GREB1L: variants seen among roughly 807,000 people sequenced by gnomAD.
GREB1L encodes the protein GREB1-like protein.
Under a neutral mutation model 200.8 loss-of-function variants are expected in GREB1L, and 17 were observed. That is an observed-to-expected ratio of 0.08 (90% CI 0.06 to 0.13). The LOEUF (loss-of-function observed/expected upper bound fraction) is 0.13. GREB1L is among the 10% of genes least tolerant of loss of function. The probability of loss-of-function intolerance (pLI) is 1.00; values close to 1 mark genes in which losing one functional copy is unlikely to be tolerated. For synonymous variants in GREB1L, 789 were observed against 893.0 expected, an observed-to-expected ratio of 0.88 and a Z score of 2.08; for missense variants, 1,657 against 2,367.7, an observed-to-expected ratio of 0.70 and a Z score of 6.23.
chr18:21,499,933 C>A lies in GREB1L; in HGVS notation c.3596C>A (p.Ser1199Tyr). ...CCCCAGATGGCGAGCAGCACCACCT[C>A]CAAGCCGTCATCATCATCCTCAGGA... ...LGPQMASSTTSKPSSSSSGPR... is the reference protein window; with the variant it reads ...LGPQMASSTTYKPSSSSSGPR... The change falls in exon 22 of 33, where the codon TCC (serine) becomes TAC (tyrosine). Residue 1199 changes from serine (S) to tyrosine (Y), a missense_variant. Physicochemically the swap from Ser to Tyr is moderately radical, Grantham distance 144. Coordinates refer to ENST00000424526, the MANE Select transcript of GREB1L (RefSeq NM_001142966.3). 3.9e-6 allele frequency: 6 copies of A among 1,550,378 alleles called. No homozygotes were observed. The highest frequency in any genetic ancestry group is 5.2e-6 in the Non-Finnish European group (6 of 1,146,320).
chr18:21,354,913 G>C (rs115004116), intron 1 of GREB1L, among the ~76,000 whole-genome samples: 1 of 152,138 alleles, frequency 6.6e-6, no homozygotes, highest in South Asian at 2.1e-4. Context: ...GTAAAATCTC[G>C]AAGGCTTTTA....
intron 7 of GREB1L, among the ~76,000 whole-genome samples, chr18:21,409,948 TTTTTG>T (rs1423318599): frequency 6.6e-6 from 1 of 152,200 alleles, no homozygotes; most frequent in Non-Finnish European, 1.5e-5. Context: ...CTTTATGTTC[TTTTTG>T]TTTATCTCTG....
In GREB1L at chr18:21,439,647, C is replaced by T. The variant is rs1290338019; in HGVS notation, c.949+10C>T. The T allele has an allele frequency of 2.7e-6, 4 of 1,480,630 alleles. No homozygotes were observed. Among genetic ancestry groups the T allele is most frequent in the Non-Finnish European group, 2.8e-6 (3 of 1,081,598 alleles). 91.7% of individuals were successfully genotyped at this position (1,480,630 alleles called of 1,614,324 possible). On this transcript the variant is annotated intron_variant, in intron 8 of 32. Transcript: ENST00000424526. ...GCATCAGGAGATCAAGGTACAATGC[C>T]TGTCGTAGAGTTTTGTAATAATGCA...
At chr18:21,282,672 T>C (rs888265079) in intron 1 of GREB1L, among the ~76,000 whole-genome samples, 1 of 152,088 alleles carries the variant, frequency 6.6e-6, no homozygotes, top group African/African-American at 2.4e-5. Context: ...CAATCTCGGC[T>C]CATTGCAACC....
chr18:21,406,647 T>C (rs1055423006), intron 7 of GREB1L, among the ~76,000 whole-genome samples: 2 of 152,172 alleles, frequency 1.3e-5, no homozygotes, highest in Non-Finnish European at 2.9e-5. Context: ...AGATTCACCT[T>C]TCTATAGGAG....
intron 1 of GREB1L, among the ~76,000 whole-genome samples, chr18:21,348,414 G>A (rs996179458): frequency 2.0e-5 from 3 of 152,040 alleles, no homozygotes; most frequent in African/African-American, 7.2e-5. Context: ...TTAGGTGGGA[G>A]AATCACTTGA....
intron 15 of GREB1L, among the ~76,000 whole-genome samples, chr18:21,457,835 A>C (rs7234233): frequency 1.5e-3 from 229 of 152,316 alleles, no homozygotes; most frequent in African/African-American, 5.3e-3. Flanking sequence ...ACTCTTTAAA[A>C]TCATAGCTGT....
At chr18:21,292,989 G>A (rs2038474470) in intron 1 of GREB1L, among the ~76,000 whole-genome samples, 1 of 152,214 alleles carries the variant, frequency 6.6e-6, no homozygotes, top group Non-Finnish European at 1.5e-5. Context: ...GAAGGACCAG[G>A]AAGAGAGGAT....
In GREB1L at chr18:21,485,660, G is replaced by T. The variant is rs2036100082; in HGVS notation, c.2597G>T (p.Ser866Ile). 1 of 1,551,460 alleles carries T rather than the reference G, an allele frequency of 6.4e-7. No homozygotes were observed. Among genetic ancestry groups the T allele is most frequent in the African/African-American group, 1.4e-5 (1 of 73,012 alleles). ...GCEEKLYFGL[S>I]EYSKSLQWGI... ...GAGGAGAAGCTGTACTTTGGCTTGAGTGAGTACAGCAAGTCTCTGCAGTGG... is the reference window on the plus strand; with the variant it reads ...GAGGAGAAGCTGTACTTTGGCTTGATTGAGTACAGCAAGTCTCTGCAGTGG... The change falls in exon 18 of 33, where the codon AGT becomes ATT. Residue 866 changes from serine (S) to isoleucine (I), a missense_variant. Ser to Ile is a moderately radical substitution (Grantham distance 142, BLOSUM62 -2). Around this residue, in one of 9 missense-constraint regions of GREB1L, gnomAD observed 239 missense variants for 421.8 expected, o/e 0.57. Coordinates refer to ENST00000424526, the MANE Select transcript of GREB1L (RefSeq NM_001142966.3).
chr18:21,516,589 A>G, intron 29 of GREB1L, 24 bp from the exon 30 acceptor site: 2 of 1,548,262 alleles, frequency 1.3e-6, no homozygotes, highest in African/African-American at 2.7e-5. Flanking sequence ...GCGGAAGAAA[A>G]CTATTGTTGT....
intron 1 of GREB1L, among the ~76,000 whole-genome samples, chr18:21,327,687 CTTTCTTTTTT>C (rs2039043325): frequency 6.6e-6 from 1 of 150,590 alleles, no homozygotes; most frequent in Admixed American, 6.6e-5. Flanking sequence ...AGGCCCCAAC[CTTTCTTTTTT>C]TTTCTTTTTT....
chr18:21,471,620 C>CT (rs77038675), intron 15 of GREB1L, among the ~76,000 whole-genome samples: 1,603 of 142,186 alleles, frequency 0.011, 36 homozygotes, highest in African/African-American at 0.034. Flanking sequence ...TCTTTTGTTT[C>CT]TTTTTTTTTT....
At chr18:21,288,526 C>T (rs1194152663) in intron 1 of GREB1L, among the ~76,000 whole-genome samples, 2 of 152,170 alleles carry the variant, frequency 1.3e-5, no homozygotes, top group Non-Finnish European at 2.9e-5. Context: ...AAAAGGCTCC[C>T]ATTTTATATT....
chr18:21,439,460 C>T (rs2033767311), intron 7 of GREB1L, 61 bp from the exon 8 acceptor site: 2 of 970,156 alleles, frequency 2.1e-6, no homozygotes, highest in Non-Finnish European at 3.2e-6. Context: ...GTTCCAGCAT[C>T]CCAGAAAGCA....
intron 1 of GREB1L, among the ~76,000 whole-genome samples, chr18:21,245,232 A>T (rs1236004907): frequency 6.6e-6 from 1 of 152,200 alleles, no homozygotes; most frequent in Non-Finnish European, 1.5e-5. Context: ...TAAGATAGAG[A>T]TCTCATACTG....
chr18:21,514,611 T>C (rs1418287146), intron 28 of GREB1L, among the ~76,000 whole-genome samples: 2 of 151,828 alleles, frequency 1.3e-5, no homozygotes, highest in African/African-American at 4.9e-5. Context: ...CCCAACTCTG[T>C]TTTTTGTTTA....
In GREB1L at chr18:21,441,385, C is replaced by CTT; in HGVS notation, c.1070-6_1070-5dup. ...TTTTCACGCCATCTTTCTTGTCAAA[C>CTT]TTTTTTTTTTCCAGAGCCCCTTTTA... is the stretch of plus-strand genomic sequence containing the variant. On this transcript the variant is annotated splice_polypyrimidine_tract_variant and intron_variant, in intron 9 of 32. Transcript: ENST00000424526. The CTT allele has an allele frequency of 1.2e-5, 17 of 1,384,890 alleles. No homozygotes were observed. In the Admixed American group the frequency reaches 1.6e-4, roughly 13 times the overall value. The allele number at this position is 1,384,890 out of a possible 1,614,324, so 85.8% of individuals were successfully genotyped here.
intron 19 of GREB1L, among the ~76,000 whole-genome samples, chr18:21,490,553 G>C (rs1434842148): frequency 6.6e-6 from 1 of 152,176 alleles, no homozygotes; most frequent in Non-Finnish European, 1.5e-5. Flanking sequence ...ATAGCATGCA[G>C]TTAGTGCATG....
chr18:21,465,136 A>G (rs886639163), intron 15 of GREB1L, among the ~76,000 whole-genome samples: 1 of 152,174 alleles, frequency 6.6e-6, no homozygotes, highest in African/African-American at 2.4e-5. Context: ...CTCTCTTAGC[A>G]ATTTTCAAGT....
Sources: gnomAD v4.1 joint callset for allele counts (sites outside exome capture counted in the v4.1 genomes callset) on GRCh38, gnomAD v4.1.1 for gene constraint, gnomAD v4.1.1 regional missense constraint, MANE v1.5 for transcripts, NCBI Gene and HGNC (gene_info 2026-07-23, HGNC 2026-07-21) for gene names.